Variants in F13A1 observed in about 807,000 individuals in gnomAD.
F13A1 encodes FSF, A subunit.
In F13A1, 47 loss-of-function variants were observed where a neutral mutation model predicts 80.1. The observed-to-expected ratio is 0.59, with a 90% CI of 0.46 to 0.75. The LOEUF (loss-of-function observed/expected upper bound fraction) is 0.75, where lower values mean the gene tolerates loss of function less well. F13A1 is among the 30% of genes least tolerant of loss of function. The probability of loss-of-function intolerance (pLI) is 0.00; values close to 1 mark genes in which losing one functional copy is unlikely to be tolerated. For missense variants in F13A1, 817 were observed against 930.4 expected (o/e 0.88, Z 1.59); for synonymous variants, 349 against 344.9 (o/e 1.01, Z -0.13).
intron 6 of F13A1, among the ~76,000 whole-genome samples, chr6:6,247,419 C>T (rs1757568002): frequency 6.6e-6 from 1 of 152,064 alleles, no homozygotes; most frequent in Admixed American, 6.6e-5. Flanking sequence ...AACATTTCTT[C>T]AGAAATAATC....
At chr6:6,202,393 C>G (rs1300247110) in intron 8 of F13A1, among the ~76,000 whole-genome samples, 1 of 152,194 alleles carries the variant, frequency 6.6e-6, no homozygotes, top group African/African-American at 2.4e-5. Context: ...TGGTCTTATT[C>G]TTCTACACAT....
chr6:6,158,249 G>A (rs1344198210), intron 13 of F13A1, among the ~76,000 whole-genome samples: 1 of 152,150 alleles, frequency 6.6e-6, no homozygotes, highest in African/African-American at 2.4e-5. Flanking sequence ...GATGCACACA[G>A]TGGTGCTATT....
chr6:6,320,304 C>T (rs1758757084), intron 1 of F13A1, among the ~76,000 whole-genome samples: 1 of 152,214 alleles, frequency 6.6e-6, no homozygotes, highest in Non-Finnish European at 1.5e-5. Context: ...GGGCTCGTCC[C>T]TTGGGGAAGC....
intron 10 of F13A1, among the ~76,000 whole-genome samples, chr6:6,192,366 TAGG>T (rs1282339253): frequency 6.6e-6 from 1 of 151,856 alleles, no homozygotes; most frequent in Non-Finnish European, 1.5e-5. Context: ...TAGGAGGAGT[TAGG>T]AGGTAACTTT....
chr6:6,294,113 A>AT (rs141541545), intron 3 of F13A1, among the ~76,000 whole-genome samples: 8,483 of 152,234 alleles, frequency 0.056, 613 homozygotes, highest in African/African-American at 0.17. Flanking sequence ...CTAAAAAAAA[A>AT]GTTTTTTTAA....
chr6:6,223,245 A>C (rs1757225021), intron 7 of F13A1, among the ~76,000 whole-genome samples: 1 of 152,202 alleles, frequency 6.6e-6, no homozygotes, highest in African/African-American at 2.4e-5. Flanking sequence ...TTACCGCCAA[A>C]GCCTGTTTTC....
chr6:6,303,928 A>G (rs1758472580), intron 3 of F13A1, among the ~76,000 whole-genome samples: 1 of 152,208 alleles, frequency 6.6e-6, no homozygotes, highest in Non-Finnish European at 1.5e-5. Context: ...GCCAACTTAC[A>G]AAGTTTTATT....
Position 6,298,175 on chromosome 6 carries a change from G to A in F13A1, c.319+7176C>T, listed in dbSNP as rs1207634411. On this transcript the variant is annotated intron_variant, in intron 3 of 14. Coordinates refer to ENST00000264870, the MANE Select transcript of F13A1 (RefSeq NM_000129.4). ...GGAGAGCTTTACTTCCCAGTATGTG[G>A]TCAATTTTGGAATAGGTGTGGTGTG... Among the ~76,000 whole-genome samples the A allele has an allele frequency of 4.4e-4, 64 of 144,988 alleles. 2 individuals are homozygous for A. The highest frequency in any genetic ancestry group is 8.5e-4 in the Non-Finnish European group (57 of 67,422).
chr6:6,225,226 A>G (rs9504721), intron 6 of F13A1, among the ~76,000 whole-genome samples: 7,265 of 152,190 alleles, frequency 0.048, 447 homozygotes, highest in African/African-American at 0.14. Context: ...AGACCTACAA[A>G]AGATAAAATC....
At chr6:6,199,789 G>A (rs1223566516) in intron 8 of F13A1, among the ~76,000 whole-genome samples, 2 of 152,170 alleles carry the variant, frequency 1.3e-5, no homozygotes, top group Non-Finnish European at 2.9e-5. Context: ...GGAGAGGCAA[G>A]GCTGGAGATT....
intron 10 of F13A1, among the ~76,000 whole-genome samples, chr6:6,195,460 C>A (rs1220374086): frequency 6.6e-6 from 1 of 152,184 alleles, no homozygotes. Flanking sequence ...CAATTCATGA[C>A]CCATCTCTTC....
intron 3 of F13A1, among the ~76,000 whole-genome samples, chr6:6,300,349 C>G (rs984052416): frequency 6.6e-6 from 1 of 151,050 alleles, no homozygotes; most frequent in South Asian, 2.1e-4. Flanking sequence ...GCCTCTCTGC[C>G]GCCTTGCAGT....
chr6:6,243,558 T>C lies in F13A1; in HGVS notation c.798+4754A>G, dbSNP rs950190330. 6.6e-6 allele frequency among the ~76,000 whole-genome samples: 1 copy of C among 152,202 alleles called. No homozygotes were observed. The highest frequency in any genetic ancestry group is 1.5e-5 in the Non-Finnish European group (1 of 68,030). ...TGGGGCTCTCTTCTTTTCTAGGAAA[T>C]GGCAATTCAATCTTACATAATTATT... On this transcript the variant is annotated intron_variant, in intron 6 of 14. Coordinates refer to ENST00000264870, the MANE Select transcript of F13A1 (RefSeq NM_000129.4). This position sits in a 1 kb window ranked among gnomAD's most constrained non-coding sequence, Gnocchi z 4.2.
At chr6:6,261,197 G>A (rs901282150) in intron 4 of F13A1, among the ~76,000 whole-genome samples, 1 of 152,162 alleles carries the variant, frequency 6.6e-6, no homozygotes, top group Non-Finnish European at 1.5e-5. Flanking sequence ...TTGAACTCCT[G>A]ACCTCATGAT....
intron 10 of F13A1, among the ~76,000 whole-genome samples, chr6:6,193,574 C>A (rs1425963001): frequency 1.3e-5 from 2 of 152,216 alleles, no homozygotes; most frequent in Non-Finnish European, 2.9e-5. Context: ...ACAAATTGTA[C>A]CCTCTGTCAG....
intron 6 of F13A1, among the ~76,000 whole-genome samples, chr6:6,245,786 A>G (rs1372921624): frequency 2.0e-5 from 3 of 152,202 alleles, no homozygotes; most frequent in African/African-American, 4.8e-5. Flanking sequence ...TGCCCTCAGG[A>G]AAGTTCTGCC....
intron 8 of F13A1, among the ~76,000 whole-genome samples, chr6:6,215,686 T>C (rs368193361): frequency 2.8e-4 from 42 of 149,100 alleles, no homozygotes; most frequent in Admixed American, 2.5e-3. Context: ...CCAGGGCAAT[T>C]AGGCAGGAGA....
chr6:6,294,734 TAA>T (rs1316760263), intron 3 of F13A1, among the ~76,000 whole-genome samples: 8,125 of 151,418 alleles, frequency 0.054, 572 homozygotes, highest in African/African-American at 0.16. Flanking sequence ...AGTCTTTTTT[TAA>T]AAATTTATTT....
At chr6:6,209,464 G>A (rs1001564168) in intron 8 of F13A1, among the ~76,000 whole-genome samples, 5 of 152,018 alleles carry the variant, frequency 3.3e-5, no homozygotes, top group African/African-American at 1.2e-4. Context: ...ATTAAACATA[G>A]AGTTACCATA....
Sources: allele counts gnomAD v4.1 joint callset (sites outside exome capture counted in the v4.1 genomes callset), GRCh38; gene constraint gnomAD v4.1.1; non-coding constraint Gnocchi (gnomAD v3.1); transcripts MANE v1.5; gene names NCBI Gene and HGNC (gene_info 2026-07-23, HGNC 2026-07-21).